DRAM1: variants seen among roughly 807,000 people sequenced by gnomAD.
DRAM1 encodes DNA damage-regulated autophagy modulator protein 1.
In DRAM1, 25 loss-of-function variants were observed where a neutral mutation model predicts 28.5. The observed-to-expected ratio is 0.88, with a 90% CI of 0.64 to 1.23. The LOEUF is 1.23. Ranked by LOEUF, DRAM1 falls within the 50% of genes most tolerant of loss-of-function variation. The pLI is 0.00. For missense variants in DRAM1, 249 were observed against 299.2 expected, an observed-to-expected ratio of 0.83 and a Z score of 1.24; for synonymous variants, 113 against 114.2, an observed-to-expected ratio of 0.99 and a Z score of 0.07.
At chr12:101,920,049 A>C in intron 5 of DRAM1, 60 bp from the exon 6 acceptor site, 1 of 1,198,956 alleles carries the variant, frequency 8.3e-7, no homozygotes, top group Non-Finnish European at 1.2e-6. Flanking sequence ...ATTGTATTTC[A>C]GTATGTACAT....
chr12:101,903,642 T>C (rs1171796214), intron 3 of DRAM1, among the ~76,000 whole-genome samples: 1 of 152,158 alleles, frequency 6.6e-6, no homozygotes, highest in Non-Finnish European at 1.5e-5. Flanking sequence ...TAATAGTGTA[T>C]TGTATATTTC....
intron 3 of DRAM1, among the ~76,000 whole-genome samples, chr12:101,903,904 C>T (rs1873689990): frequency 1.4e-5 from 2 of 139,438 alleles, no homozygotes; most frequent in African/African-American, 5.6e-5. Context: ...GGAGACCGTG[C>T]CTCTGGAAAC....
chr12:101,887,745 G>C (rs1872941877), intron 1 of DRAM1, among the ~76,000 whole-genome samples: 1 of 151,840 alleles, frequency 6.6e-6, no homozygotes, highest in Admixed American at 6.6e-5. Flanking sequence ...CACCATGTTG[G>C]CCAGGCTGGT....
At position 101,922,340 on chromosome 12, in the gene DRAM1, G is replaced by A. The variant is rs1874514750; in HGVS notation, c.*1080G>A. 1.3e-5 allele frequency: 2 copies of A among 152,292 alleles called. No individual in the cohort carries two copies. The highest frequency in any genetic ancestry group is 1.3e-4 in the Admixed American group (2 of 15,294). The allele number at this position is 152,292 out of a possible 1,614,324, so 9.4% of individuals were successfully genotyped here. A position where few individuals can be genotyped will look rare whatever the true frequency, so the allele number is the denominator to read the frequency against. On this transcript the variant is annotated 3_prime_UTR_variant, in exon 7 of 7. Transcript: ENST00000258534. The stretch of plus-strand genomic sequence containing the variant: ...CCAATAAAAAGCAAGTTATTCCAGA[G>A]GAAGAAGCAGCCCTTGAAATGTTAA...
intron 1 of DRAM1, among the ~76,000 whole-genome samples, chr12:101,897,157 A>G (rs1873408211): frequency 6.6e-6 from 1 of 151,940 alleles, no homozygotes. Flanking sequence ...TGATGTGTTT[A>G]TGTGTATTTA....
intron 1 of DRAM1, among the ~76,000 whole-genome samples, chr12:101,895,644 C>T (rs1036880254): frequency 7.1e-6 from 1 of 139,886 alleles, no homozygotes; most frequent in Non-Finnish European, 1.5e-5. Context: ...GATCTCGGCT[C>T]ACTGCAACCT....
intron 4 of DRAM1, among the ~76,000 whole-genome samples, chr12:101,909,509 T>C (rs61936578): frequency 0.19 from 29,212 of 152,084 alleles, 3,658 homozygotes; most frequent in African/African-American, 0.36. Context: ...ACGAAGTCCC[T>C]CAAGGCTAAA....
chr12:101,882,396 C>G (rs536809336), intron 1 of DRAM1, among the ~76,000 whole-genome samples: 108 of 151,264 alleles, frequency 7.1e-4, no homozygotes, highest in African/African-American at 2.6e-3. Context: ...AGGCGTGAGC[C>G]ACCGCGCCCG....
chr12:101,905,634 G>T lies in DRAM1; in HGVS notation c.343-2552G>T, dbSNP rs1373031592. On this transcript the variant is annotated intron_variant, in intron 3 of 6. Coordinates refer to ENST00000258534, the MANE Select transcript of DRAM1 (RefSeq NM_018370.3). Reference sequence around the variant, plus strand: ...AGACAAGGTCTCACTCTGTTGCCCAGACTAGAGTGCAGTGGTGCTATCATA... The same window carrying T: ...AGACAAGGTCTCACTCTGTTGCCCATACTAGAGTGCAGTGGTGCTATCATA... Among the ~76,000 whole-genome samples, 3 of 151,936 alleles carry T rather than the reference G, an allele frequency of 2.0e-5. No individual in the cohort carries two copies. The East Asian group carries it at 5.8e-4, about 29-fold the overall frequency.
intron 5 of DRAM1, among the ~76,000 whole-genome samples, chr12:101,917,800 G>T (rs1401671562): frequency 6.6e-6 from 1 of 151,970 alleles, no homozygotes; most frequent in Non-Finnish European, 1.5e-5. Flanking sequence ...CTTATATATG[G>T]GGAATTAGCC....
rs1428822052 is a variant in DRAM1 at position 101,922,770 on chromosome 12, A to G, written c.*1510A>G. 1 of 152,196 alleles carries G rather than the reference A, an allele frequency of 6.6e-6. No individual in the cohort carries two copies. Among genetic ancestry groups the G allele is most frequent in the Admixed American group, 6.5e-5 (1 of 15,284 alleles). The allele number at this position is 152,196 out of a possible 1,614,324, so 9.4% of individuals were successfully genotyped here. On this transcript the variant is annotated 3_prime_UTR_variant, in exon 7 of 7. Transcript: ENST00000258534. ...AAATGGTTTTCTTTAAGTGAATGGAAGAGTTTGACAGAGATACACCTTTGT... is the reference window on the plus strand; with the variant it reads ...AAATGGTTTTCTTTAAGTGAATGGAGGAGTTTGACAGAGATACACCTTTGT...
intron 1 of DRAM1, among the ~76,000 whole-genome samples, chr12:101,880,120 T>C (rs1872641776): frequency 6.6e-6 from 1 of 151,852 alleles, no homozygotes; most frequent in Admixed American, 6.6e-5. Context: ...GGATCACAGC[T>C]CACTGCAGCC....
At chr12:101,906,269 C>G (rs1003240412) in intron 3 of DRAM1, among the ~76,000 whole-genome samples, 10 of 151,050 alleles carry the variant, frequency 6.6e-5, no homozygotes, top group Non-Finnish European at 1.2e-4. Flanking sequence ...ACCTCCCTTT[C>G]TTATGTGGTG....
Position 101,910,019 on chromosome 12 carries a change from ACTTG to A in DRAM1, c.520+1660_520+1663del, listed in dbSNP as rs563645915. On this transcript the variant is annotated intron_variant, in intron 4 of 6. Coordinates refer to ENST00000258534, the MANE Select transcript of DRAM1 (RefSeq NM_018370.3). ...GGGCAAGATGGAGTGAAAACACATC[ACTTG>A]CTTCTAAATATTAAGCTTTGTGTTT... Among the ~76,000 whole-genome samples the A allele has an allele frequency of 1.2e-3, 179 of 152,370 alleles. 1 individual carries two copies. Among genetic ancestry groups the A allele is most frequent in the Non-Finnish European group, 2.2e-3 (151 of 68,030 alleles).
At chr12:101,895,385 C>A (rs1019051273) in intron 1 of DRAM1, among the ~76,000 whole-genome samples, 2 of 150,966 alleles carry the variant, frequency 1.3e-5, no homozygotes, top group Non-Finnish European at 2.9e-5. Context: ...ACCATGTTGG[C>A]CAGGCTGGTC....
intron 1 of DRAM1, among the ~76,000 whole-genome samples, chr12:101,883,237 G>A (rs183711397): frequency 1.3e-5 from 2 of 150,942 alleles, no homozygotes; most frequent in Admixed American, 1.3e-4. Context: ...GTAGGTCAAG[G>A]TCAGTGAGAC....
intron 1 of DRAM1, among the ~76,000 whole-genome samples, chr12:101,878,914 T>C (rs960825227): frequency 6.6e-6 from 1 of 152,142 alleles, no homozygotes; most frequent in Non-Finnish European, 1.5e-5. Context: ...GTTTGTTTTT[T>C]TCCTTTTTTT....
intron 2 of DRAM1, among the ~76,000 whole-genome samples, chr12:101,899,055 G>A (rs1042752519): frequency 2.0e-5 from 3 of 152,232 alleles, no homozygotes; most frequent in South Asian, 2.1e-4. Context: ...TGTAACCAAC[G>A]CTTTCTGTTC....
chr12:101,878,337 G>A (rs7132227), intron 1 of DRAM1, among the ~76,000 whole-genome samples: 24,790 of 152,134 alleles, frequency 0.16, 2,883 homozygotes, highest in East Asian at 0.42. Context: ...CCTTGAAGTG[G>A]ATGTTTGGGC....
Sources: allele counts gnomAD v4.1 joint callset (sites outside exome capture counted in the v4.1 genomes callset), GRCh38; gene constraint gnomAD v4.1.1; transcripts MANE v1.5; gene names NCBI Gene and HGNC (gene_info 2026-07-23, HGNC 2026-07-21).